The following REEP1 variants were observed in gnomAD, a reference collection of about 807,000 sequenced individuals.
REEP1 encodes receptor accessory protein 1.
A neutral mutation model predicts 40.3 loss-of-function variants in REEP1; 22 were observed. That is an observed-to-expected ratio of 0.55 (90% confidence interval 0.39 to 0.78). The LOEUF (loss-of-function observed/expected upper bound fraction) is 0.78. Ranked by LOEUF, REEP1 falls within the 30% of genes least tolerant of loss-of-function variation. The pLI, the probability that REEP1 is intolerant of heterozygous loss-of-function variation, is 0.00. For synonymous variants in REEP1, 116 were observed against 139.2 expected, an observed-to-expected ratio of 0.83 and a Z score of 1.17; for missense variants, 280 against 361.1, an observed-to-expected ratio of 0.78 and a Z score of 1.82.
In REEP1 at chr2:86,326,722, AT is replaced by A. The variant is rs201806278; in HGVS notation, c.32+10756del. Reference sequence around the variant, plus strand: ...AGTAAAACTCCATCTCAAAAAAAAAATAAAAAATAAAAAATCATAAAGTTTT... The same window carrying A: ...AGTAAAACTCCATCTCAAAAAAAAAAAAAAAATAAAAAATCATAAAGTTTT... On this transcript the variant is annotated intron_variant, in intron 1 of 8. Coordinates refer to ENST00000538924, the MANE Select transcript of REEP1 (RefSeq NM_001371279.1). Among the ~76,000 whole-genome samples the A allele has an allele frequency of 1.3e-3, 187 of 146,852 alleles. 1 individual carries two copies. Among genetic ancestry groups the A allele is most frequent in the African/African-American group, 3.9e-3 (153 of 38,820 alleles).
chr2:86,222,222 T>G (rs1674468188), intron 7 of REEP1, among the ~76,000 whole-genome samples: 1 of 152,170 alleles, frequency 6.6e-6, no homozygotes, highest in South Asian at 2.1e-4. Flanking sequence ...GTGCATGTTC[T>G]CCACTGCAAG....
intron 1 of REEP1, among the ~76,000 whole-genome samples, chr2:86,330,317 T>C (rs769340602): frequency 8.6e-5 from 13 of 151,958 alleles, no homozygotes; most frequent in Non-Finnish European, 1.9e-4. Context: ...TGAATTCAGG[T>C]TTGGCCAATG....
chr2:86,328,807 G>A (rs1201562568), intron 1 of REEP1, among the ~76,000 whole-genome samples: 3 of 152,250 alleles, frequency 2.0e-5, no homozygotes, highest in South Asian at 2.1e-4. Context: ...GCATGCAGGT[G>A]AGCAGGTGCC....
chr2:86,235,214 A>T (rs759037410), intron 5 of REEP1, among the ~76,000 whole-genome samples: 1 of 152,270 alleles, frequency 6.6e-6, no homozygotes, highest in Non-Finnish European at 1.5e-5. Flanking sequence ...GATACAACAC[A>T]GAAGTATCCT....
At chr2:86,253,814 C>T (rs1303897082) in intron 4 of REEP1, among the ~76,000 whole-genome samples, 1 of 152,218 alleles carries the variant, frequency 6.6e-6, no homozygotes, top group South Asian at 2.1e-4. Context: ...AAACAATAGA[C>T]ATTAATCTGT....
At chr2:86,219,859 G>T (rs1382174886) in intron 8 of REEP1, 111 bp downstream of exon 8, 2 of 759,782 alleles carry the variant, frequency 2.6e-6, no homozygotes, top group Non-Finnish European at 3.6e-6. Flanking sequence ...TCCACCCCAG[G>T]TATTGAGGAG....
At chr2:86,244,384 T>A (rs906671150) in intron 5 of REEP1, among the ~76,000 whole-genome samples, 1 of 152,110 alleles carries the variant, frequency 6.6e-6, no homozygotes, top group Non-Finnish European at 1.5e-5. Flanking sequence ...TGGGAAAATT[T>A]TTTTTAAGTA....
chr2:86,231,707 C>T (rs1675025996), intron 6 of REEP1, among the ~76,000 whole-genome samples: 1 of 152,164 alleles, frequency 6.6e-6, no homozygotes, highest in African/African-American at 2.4e-5. Context: ...GTCCCCCACC[C>T]CCCCACCATC....
chr2:86,215,911 T>G lies in REEP1; in HGVS notation c.*1128A>C, dbSNP rs979457372. ...GACCAGCAAGTCTAACCCATGAAGATCTCGAGCTCCAAAACCATTCTAGAG... is the reference window on the plus strand; with the variant it reads ...GACCAGCAAGTCTAACCCATGAAGAGCTCGAGCTCCAAAACCATTCTAGAG... On this transcript the variant is annotated 3_prime_UTR_variant, in exon 9 of 9. Transcript: ENST00000538924. The G allele has an allele frequency of 3.9e-5, 6 of 152,194 alleles. No homozygotes were observed. Among genetic ancestry groups the G allele is most frequent in the Non-Finnish European group, 7.3e-5 (5 of 68,030 alleles). The allele number at this position is 152,194 out of a possible 1,614,324, so 9.4% of individuals were successfully genotyped here.
At chr2:86,309,572 A>G (rs1679664883) in intron 1 of REEP1, among the ~76,000 whole-genome samples, 1 of 152,122 alleles carries the variant, frequency 6.6e-6, no homozygotes, top group Non-Finnish European at 1.5e-5. Flanking sequence ...ACAGAAATCC[A>G]TTTTCCCACA....
At chr2:86,255,147 G>T in intron 3 of REEP1, 1 of 267,360 alleles carries the variant, frequency 3.7e-6, no homozygotes, top group Non-Finnish European at 7.3e-6. Context: ...ATTGGAGCTA[G>T]GGTTCTGGCC....
At chr2:86,231,223 T>C (rs915115128) in intron 6 of REEP1, among the ~76,000 whole-genome samples, 6 of 152,040 alleles carry the variant, frequency 3.9e-5, no homozygotes, top group African/African-American at 1.2e-4. Context: ...CCTTTTGGGA[T>C]TCCATTCCTG....
At chr2:86,295,305 C>A (rs1678924384) in intron 1 of REEP1, among the ~76,000 whole-genome samples, 1 of 152,200 alleles carries the variant, frequency 6.6e-6, no homozygotes, top group South Asian at 2.1e-4. Flanking sequence ...CGCACACCTG[C>A]CCTGCAGATG....
At chr2:86,331,003 C>T (rs1680736889) in intron 1 of REEP1, among the ~76,000 whole-genome samples, 1 of 152,196 alleles carries the variant, frequency 6.6e-6, no homozygotes, top group Non-Finnish European at 1.5e-5. Context: ...CAGTTCATGG[C>T]ATCAAAAAAG....
intron 7 of REEP1, among the ~76,000 whole-genome samples, chr2:86,220,834 C>T (rs1373937035): frequency 1.3e-5 from 2 of 152,024 alleles, no homozygotes; most frequent in Admixed American, 1.3e-4. Context: ...AATACATCTG[C>T]GGGAAAAGCT....
chr2:86,319,796 C>T (rs1178314619), intron 1 of REEP1, among the ~76,000 whole-genome samples: 3 of 152,138 alleles, frequency 2.0e-5, no homozygotes, highest in African/African-American at 7.2e-5. Flanking sequence ...GGCCCCTAAT[C>T]CAATATGACT....
intron 1 of REEP1, among the ~76,000 whole-genome samples, chr2:86,307,685 C>T (rs574150608): frequency 1.3e-5 from 2 of 151,572 alleles, no homozygotes; most frequent in Admixed American, 6.6e-5. Flanking sequence ...GCCGTGATGG[C>T]GCCACTGCAC....
chr2:86,230,382 A>C (rs116281104), intron 6 of REEP1, among the ~76,000 whole-genome samples: 1 of 152,230 alleles, frequency 6.6e-6, no homozygotes. Context: ...GCCTCAGCCC[A>C]GTGCACAACC....
At chr2:86,296,853 G>A (rs753614207) in intron 1 of REEP1, among the ~76,000 whole-genome samples, 11 of 152,164 alleles carry the variant, frequency 7.2e-5, no homozygotes, top group African/African-American at 1.2e-4. Context: ...GTGAAACTCC[G>A]TCTCAAAAAA....
Sources: gnomAD v4.1 joint callset for allele counts (sites outside exome capture counted in the v4.1 genomes callset) on GRCh38, gnomAD v4.1.1 for gene constraint, MANE v1.5 for transcripts, NCBI Gene and HGNC (gene_info 2026-07-23, HGNC 2026-07-21) for gene names.